TNRC6A: variants seen among roughly 807,000 people sequenced by gnomAD.
The protein encoded by TNRC6A is trinucleotide repeat-containing gene 6A protein.
Under a neutral mutation model 221.2 loss-of-function variants are expected in TNRC6A, and 44 were observed. That is an observed-to-expected ratio of 0.20 (90% CI 0.16 to 0.26). TNRC6A has a LOEUF of 0.26. TNRC6A is among the 10% of genes least tolerant of loss of function. The pLI, the probability that TNRC6A is intolerant of heterozygous loss-of-function variation, is 1.00. For synonymous variants in TNRC6A, 847 were observed against 838.5 expected, an observed-to-expected ratio of 1.01 and a Z score of -0.18; for missense variants, 2,199 against 2,404.4, an observed-to-expected ratio of 0.91 and a Z score of 1.79.
At chr16:24,777,403 A>G (rs1374222122) in intron 5 of TNRC6A, 45 bp downstream of exon 5, 1 of 1,551,608 alleles carries the variant, frequency 6.4e-7, no homozygotes, top group Non-Finnish European at 8.7e-7. Flanking sequence ...TATCATCATT[A>G]GCTGTATAGC....
At chr16:24,781,559 C>T (rs1005070202) in intron 5 of TNRC6A, among the ~76,000 whole-genome samples, 4 of 152,144 alleles carry the variant, frequency 2.6e-5, no homozygotes, top group Non-Finnish European at 5.9e-5. Flanking sequence ...TTTGTTCCCT[C>T]CCAAGGCTTT....
intron 14 of TNRC6A, 139 bp downstream of exon 14, chr16:24,805,290 T>TA (rs2151985189): frequency 8.0e-7 from 1 of 1,249,660 alleles, no homozygotes; most frequent in African/African-American, 1.5e-5. Context: ...AATTAACTAT[T>TA]AAAAAAGGTT....
intron 2 of TNRC6A, among the ~76,000 whole-genome samples, chr16:24,646,319 C>T (rs1021393430): frequency 6.6e-6 from 1 of 152,184 alleles, no homozygotes; most frequent in Admixed American, 6.6e-5. Context: ...TTGTAAAACT[C>T]TTCCATGACT....
At chr16:24,780,400 A>C (rs2057815739) in intron 5 of TNRC6A, among the ~76,000 whole-genome samples, 1 of 152,210 alleles carries the variant, frequency 6.6e-6, no homozygotes, top group Non-Finnish European at 1.5e-5. Flanking sequence ...TCTCCTATAC[A>C]ACCACAATAC....
intron 2 of TNRC6A, among the ~76,000 whole-genome samples, chr16:24,738,466 A>G (rs2056819296): frequency 6.6e-6 from 1 of 152,136 alleles, no homozygotes; most frequent in Admixed American, 6.5e-5. Flanking sequence ...CCTTCCACCC[A>G]GCCTCTGGCA....
Position 24,822,089 on chromosome 16 carries a change from G to A in TNRC6A, c.5315G>A (p.Gly1772Asp). The change falls in exon 23 of 25, where the codon GGT becomes GAT. Residue 1772 changes from glycine to aspartate, a missense_variant. Around this residue, in one of 8 missense-constraint regions of TNRC6A, gnomAD observed 449 missense variants for 579.7 expected, o/e 0.77. Coordinates refer to ENST00000395799, the MANE Select transcript of TNRC6A (RefSeq NM_014494.4). ...DARYTPGSSWGESSSGRITNW... is the reference protein window; with the variant it reads ...DARYTPGSSWDESSSGRITNW... Reference sequence around the variant, plus strand: ...TTTCCTTGTTTAGGTTCCAGCTGGGGTGAGAGCAGCTCAGGGAGAATAACA... The same window carrying A: ...TTTCCTTGTTTAGGTTCCAGCTGGGATGAGAGCAGCTCAGGGAGAATAACA... The A allele has an allele frequency of 6.2e-7, 1 of 1,614,168 alleles. No homozygotes were observed. The highest frequency in any genetic ancestry group is 8.5e-7 in the Non-Finnish European group (1 of 1,180,018).
chr16:24,663,826 A>G (rs2055086835), intron 2 of TNRC6A: 3 of 437,718 alleles, frequency 6.9e-6, no homozygotes, highest in African/African-American at 2.0e-5. Context: ...GGCACCCACC[A>G]TAAATCATGT....
Position 24,770,828 on chromosome 16 carries a change from C to T in TNRC6A, c.164-6105C>T, listed in dbSNP as rs1234201909. 2.6e-5 allele frequency among the ~76,000 whole-genome samples: 4 copies of T among 152,324 alleles called. No individual in the cohort carries two copies. In the East Asian group the frequency reaches 5.8e-4, roughly 22 times the overall value. On this transcript the variant is annotated intron_variant, in intron 4 of 24. Coordinates refer to ENST00000395799, the MANE Select transcript of TNRC6A (RefSeq NM_014494.4). ...CAGTTGCATCCCGTGTGTGCATATT[C>T]TGTAGCAATGGTTCTCGAAGTTTAC...
At chr16:24,637,067 C>T (rs1315607900) in intron 1 of TNRC6A, among the ~76,000 whole-genome samples, 3 of 152,058 alleles carry the variant, frequency 2.0e-5, no homozygotes, top group African/African-American at 7.2e-5. Context: ...GGGTCTCACT[C>T]CCTGGCCCAG....
chr16:24,782,821 G>T (rs553740655), intron 5 of TNRC6A, among the ~76,000 whole-genome samples: 1 of 152,028 alleles, frequency 6.6e-6, no homozygotes. Context: ...ACAGTGAGCC[G>T]AGATCGCGCC....
chr16:24,683,423 C>T (rs1347384238), intron 2 of TNRC6A, among the ~76,000 whole-genome samples: 1 of 152,092 alleles, frequency 6.6e-6, no homozygotes, highest in Non-Finnish European at 1.5e-5. Context: ...GTTTTAAACA[C>T]CTGTGCTCAA....
intron 1 of TNRC6A, among the ~76,000 whole-genome samples, chr16:24,627,705 T>C (rs1257665299): frequency 1.4e-4 from 20 of 143,896 alleles, no homozygotes; most frequent in African/African-American, 5.2e-4. Flanking sequence ...TGCTTTTTTT[T>C]TTTTTTTTTT....
intron 2 of TNRC6A, among the ~76,000 whole-genome samples, chr16:24,719,840 C>CAAA (rs59027857): frequency 6.7e-4 from 69 of 103,062 alleles, no homozygotes; most frequent in Middle Eastern, 5.6e-3. Flanking sequence ...GACCTTGTCT[C>CAAA]AAAAAAAAAA....
upstream of TNRC6A, among the ~76,000 whole-genome samples, chr16:24,728,250 C>G (rs1205158030): frequency 6.6e-6 from 1 of 152,132 alleles, no homozygotes; most frequent in Non-Finnish European, 1.5e-5. Context: ...GAGTTCAAGA[C>G]CAGCCTGGCC....
At chr16:24,629,252 A>G (rs1901204773) in intron 1 of TNRC6A, among the ~76,000 whole-genome samples, 1 of 152,148 alleles carries the variant, frequency 6.6e-6, no homozygotes, top group Non-Finnish European at 1.5e-5. Context: ...CAGCTTTGTC[A>G]TTTTTAACCA....
chr16:24,797,084 T>G (rs540272736), intron 9 of TNRC6A, among the ~76,000 whole-genome samples: 7 of 152,348 alleles, frequency 4.6e-5, no homozygotes, highest in Non-Finnish European at 8.8e-5. Context: ...TAAGTTGGCT[T>G]CTTTGGACTA....
intron 5 of TNRC6A, among the ~76,000 whole-genome samples, chr16:24,788,709 C>G (rs1257423191): frequency 1.3e-5 from 2 of 149,120 alleles, no homozygotes; most frequent in African/African-American, 5.0e-5. Flanking sequence ...AGTGCAGTGG[C>G]ACTATCTCCG....
At chr16:24,759,128 T>C (rs2057310682) in intron 4 of TNRC6A, among the ~76,000 whole-genome samples, 1 of 152,026 alleles carries the variant, frequency 6.6e-6, no homozygotes, top group Admixed American at 6.6e-5. Flanking sequence ...TCAAGCATGA[T>C]TCAAGACACA....
At chr16:24,806,154 C>T in intron 15 of TNRC6A, 52 bp from the exon 16 acceptor site, 2 of 1,601,346 alleles carry the variant, frequency 1.2e-6, no homozygotes, top group Non-Finnish European at 1.7e-6. Flanking sequence ...TTTGGAAGCA[C>T]ACACTTTGTA....
Sources: gnomAD v4.1 joint callset for allele counts (sites outside exome capture counted in the v4.1 genomes callset) on GRCh38, gnomAD v4.1.1 for gene constraint, gnomAD v4.1.1 regional missense constraint, MANE v1.5 for transcripts, NCBI Gene and HGNC (gene_info 2026-07-23, HGNC 2026-07-21) for gene names.